DNAH12: variants seen among roughly 807,000 people sequenced by gnomAD.
DNAH12 encodes the protein dynein axonemal heavy chain 12, also known as axonemal beta dynein heavy chain 12.
A neutral mutation model predicts 371.5 loss-of-function variants in DNAH12; 285 were observed. That is an observed-to-expected ratio of 0.77 (90% CI 0.70 to 0.85). The LOEUF is 0.85. Ranked by LOEUF, DNAH12 falls within the 40% of genes least tolerant of loss-of-function variation. The probability of loss-of-function intolerance (pLI) is 0.00; values close to 1 mark genes in which losing one functional copy is unlikely to be tolerated. For missense variants in DNAH12, 3,611 were observed against 3,689.4 expected (o/e 0.98, Z 0.55); for synonymous variants, 1,200 against 1,213.0 (o/e 0.99, Z 0.22).
intron 39 of DNAH12, among the ~76,000 whole-genome samples, chr3:57,409,534 T>C (rs997383148): frequency 6.6e-6 from 1 of 151,948 alleles, no homozygotes; most frequent in Non-Finnish European, 1.5e-5. Context: ...TTTTTACACA[T>C]AAAAATAGAC....
intron 52 of DNAH12, among the ~76,000 whole-genome samples, chr3:57,378,605 G>T (rs1358853244): frequency 6.6e-6 from 1 of 152,080 alleles, no homozygotes; most frequent in Non-Finnish European, 1.5e-5. Context: ...AGCTGCAAGG[G>T]CAAAGCCTTT....
Position 57,499,101 on chromosome 3 carries a change from A to G in DNAH12, c.1335+2220T>C, listed in dbSNP as rs2067422430. ...CTCAAAAACTTTATGCTAGTAAAAG[A>G]AATCAGATGCAAAAGAGTATGTATA... On this transcript the variant is annotated intron_variant, in intron 11 of 73. Coordinates refer to ENST00000495027, the MANE Select transcript of DNAH12 (RefSeq NM_001366028.2). Among the ~76,000 whole-genome samples, 2 of 152,202 alleles carry G rather than the reference A, an allele frequency of 1.3e-5. 1 individual carries two copies. The highest frequency in any genetic ancestry group is 4.1e-4 in the South Asian group (2 of 4,832).
chr3:57,334,728 G>T (rs2062183974), intron 61 of DNAH12, 54 bp downstream of exon 61: 21 of 1,512,668 alleles, frequency 1.4e-5, no homozygotes, highest in Non-Finnish European at 1.8e-5. Context: ...CTAAATTGAA[G>T]AACAAGTTTA....
At chr3:57,549,360 T>C in the DNAH12 span, among the ~76,000 whole-genome samples, 120 of 151,708 alleles carry the variant, frequency 7.9e-4, no homozygotes, top group Non-Finnish European at 7.1e-4. Context: ...TACCAAAAAA[T>C]ACGAAAATTA....
At chr3:57,438,074 C>T (rs1235162256) in intron 29 of DNAH12, among the ~76,000 whole-genome samples, 1 of 152,108 alleles carries the variant, frequency 6.6e-6, no homozygotes. Flanking sequence ...TTTGGGAGGC[C>T]AAGGCGGGTG....
At chr3:57,473,040 A>AT (rs2066411865) in intron 13 of DNAH12, among the ~76,000 whole-genome samples, 1 of 82,798 alleles carries the variant, frequency 1.2e-5, no homozygotes, top group Non-Finnish European at 2.7e-5. Flanking sequence ...TATTCTTATA[A>AT]ATATTTTATT....
intron 62 of DNAH12, 137 bp from the exon 63 acceptor site, chr3:57,323,756 T>C (rs1012635807): frequency 4.7e-5 from 41 of 881,606 alleles, no homozygotes; most frequent in Non-Finnish European, 5.7e-5. Context: ...GACAAAGCAC[T>C]AATTTCTCTA....
At chr3:57,334,642 T>G in intron 61 of DNAH12, 33 bp from the exon 62 acceptor site, 1 of 1,522,428 alleles carries the variant, frequency 6.6e-7, no homozygotes, top group Non-Finnish European at 8.8e-7. Context: ...TTATTCTTTT[T>G]ATTGGGAAAA....
chr3:57,331,619 G>A (rs376414410), intron 62 of DNAH12, among the ~76,000 whole-genome samples: 2 of 151,932 alleles, frequency 1.3e-5, no homozygotes, highest in Admixed American at 6.6e-5. Flanking sequence ...TTACTAAAAC[G>A]GTAAAATTTT....
chr3:57,381,785 C>T (rs2063397149), intron 50 of DNAH12, among the ~76,000 whole-genome samples: 1 of 152,110 alleles, frequency 6.6e-6, no homozygotes, highest in African/African-American at 2.4e-5. Flanking sequence ...GTACAGGCAC[C>T]TCAGTGTTCA....
chr3:57,520,827 A>G (rs769812851), intron 4 of DNAH12, among the ~76,000 whole-genome samples: 94 of 152,186 alleles, frequency 6.2e-4, no homozygotes, highest in Non-Finnish European at 1.2e-3. Context: ...CCTTTGTTGG[A>G]TAGCCAATTC....
intron 49 of DNAH12, among the ~76,000 whole-genome samples, chr3:57,383,848 A>AT (rs1458019576): frequency 6.6e-6 from 1 of 152,074 alleles, no homozygotes; most frequent in Non-Finnish European, 1.5e-5. Flanking sequence ...TAAATTCCTG[A>AT]TTCACAGCAC....
chr3:57,392,876 C>A (rs1268979808), intron 44 of DNAH12, among the ~76,000 whole-genome samples: 2 of 152,204 alleles, frequency 1.3e-5, no homozygotes, highest in African/African-American at 4.8e-5. Flanking sequence ...GGTGACTATT[C>A]CTTGGATGGG....
intron 60 of DNAH12, among the ~76,000 whole-genome samples, chr3:57,340,789 C>A (rs1019721628): frequency 6.6e-6 from 1 of 152,110 alleles, no homozygotes; most frequent in African/African-American, 2.4e-5. Context: ...GGAGGGAATT[C>A]TTCCAAACCC....
At chr3:57,458,273 G>T in intron 20 of DNAH12, 53 bp from the exon 21 acceptor site, 1 of 1,499,928 alleles carries the variant, frequency 6.7e-7, no homozygotes, top group African/African-American at 1.4e-5. Flanking sequence ...ATATAATTAT[G>T]ACTTAAATAT....
intron 55 of DNAH12, among the ~76,000 whole-genome samples, chr3:57,370,323 A>G (rs1228743766): frequency 1.3e-5 from 2 of 152,230 alleles, no homozygotes; most frequent in African/African-American, 2.4e-5. Context: ...GATAATTATA[A>G]AAAACTAACA....
At chr3:57,539,308 G>A (rs945037595) in intron 2 of DNAH12, among the ~76,000 whole-genome samples, 3 of 152,092 alleles carry the variant, frequency 2.0e-5, no homozygotes, top group Non-Finnish European at 4.4e-5. Flanking sequence ...TGTCATGGCC[G>A]ACAAGGCCCT....
Position 57,489,551 on chromosome 3 carries a change from A to C in DNAH12, c.1472T>G (p.Leu491Ter). ...ATATTTTGAAGCTATGTCATTTAAT[A>C]ATATGTTTGCAAAGGCTTTTGCTTT... Reference protein sequence around the residue: ...TNKAKAFANILLNDIASKYRK... With the variant: ...TNKAKAFANI The change falls in exon 12 of 74, where the codon TTA (leucine) becomes TGA (stop). Residue 491 changes from leucine to a stop codon, truncating the protein, a stop_gained. Transcript: ENST00000495027. LOFTEE classifies it high-confidence loss of function. 6.5e-7 allele frequency: 1 copy of C among 1,527,980 alleles called. No homozygotes were observed. Among genetic ancestry groups the C allele is most frequent in the Non-Finnish European group, 8.8e-7 (1 of 1,140,776 alleles). 94.7% of individuals were successfully genotyped at this position (1,527,980 alleles called of 1,614,324 possible).
At chr3:57,396,278 C>CAAAAA (rs1191377249) in intron 43 of DNAH12, among the ~76,000 whole-genome samples, 2 of 100,378 alleles carry the variant, frequency 2.0e-5, no homozygotes, top group Non-Finnish European at 2.0e-5. Flanking sequence ...GACTGCATCT[C>CAAAAA]AAAAAAAAAA....
Sources: allele counts gnomAD v4.1 joint callset (sites outside exome capture counted in the v4.1 genomes callset), GRCh38; gene constraint gnomAD v4.1.1; transcripts MANE v1.5; gene names NCBI Gene and HGNC (gene_info 2026-07-23, HGNC 2026-07-21).